STIM2: variants seen among roughly 807,000 people sequenced by gnomAD.
STIM2 encodes stromal interaction molecule 2.
In STIM2, 31 loss-of-function variants were observed where a neutral mutation model predicts 85.8. The ratio of observed to expected loss-of-function variants is 0.36; its 90% CI spans 0.27 to 0.49. The LOEUF is 0.49. STIM2 is among the 20% of genes least tolerant of loss of function. STIM2 has a pLI of 0.98. For missense variants in STIM2, 841 were observed against 927.6 expected (o/e 0.91, Z 1.21); for synonymous variants, 356 against 331.1 (o/e 1.08, Z -0.82).
chr4:26,972,357 G>A (rs1214817760), intron 3 of STIM2, among the ~76,000 whole-genome samples: 1 of 152,130 alleles, frequency 6.6e-6, no homozygotes, highest in African/African-American at 2.4e-5. Context: ...TGCCCATTCA[G>A]TATGATACTG....
At chr4:27,019,867 G>T (rs983294761) in intron 11 of STIM2, among the ~76,000 whole-genome samples, 1 of 152,182 alleles carries the variant, frequency 6.6e-6, no homozygotes, top group African/African-American at 2.4e-5. Context: ...ATTCCAAAGA[G>T]TATGTACTCT....
chr4:27,018,456 T>C (rs1728808007), intron 11 of STIM2, among the ~76,000 whole-genome samples: 1 of 152,142 alleles, frequency 6.6e-6, no homozygotes, highest in African/African-American at 2.4e-5. Flanking sequence ...TTGCTTTGAG[T>C]CTCCAACTTC....
At chr4:26,891,162 T>G (rs191473505) in intron 1 of STIM2, among the ~76,000 whole-genome samples, 1 of 152,356 alleles carries the variant, frequency 6.6e-6, no homozygotes, top group African/African-American at 2.4e-5. Flanking sequence ...AGTTGTTTGG[T>G]CAAACACTAG....
chr4:26,929,235 G>A lies in STIM2; in HGVS notation c.282+9601G>A, dbSNP rs142696647. 5.3e-5 allele frequency among the ~76,000 whole-genome samples: 8 copies of A among 152,174 alleles called. No homozygotes were observed. In the East Asian group the frequency reaches 9.6e-4, roughly 18 times the overall value. On this transcript the variant is annotated intron_variant, in intron 2 of 11. Coordinates refer to ENST00000467087, the MANE Select transcript of STIM2 (RefSeq NM_020860.4). Reference sequence around the variant, plus strand: ...TGTAACTTCTAGAAAACAAAATTATGTATGTAGCTCACATTTTATTTCTAT... The same window carrying A: ...TGTAACTTCTAGAAAACAAAATTATATATGTAGCTCACATTTTATTTCTAT...
intron 1 of STIM2, among the ~76,000 whole-genome samples, chr4:26,903,906 T>A (rs1018132297): frequency 6.6e-6 from 1 of 152,162 alleles, no homozygotes; most frequent in Non-Finnish European, 1.5e-5. Context: ...CTAACTGTTC[T>A]CAGTGGCTAG....
chr4:26,982,784 T>C (rs1052656080), intron 3 of STIM2, among the ~76,000 whole-genome samples: 1 of 152,214 alleles, frequency 6.6e-6, no homozygotes, highest in Non-Finnish European at 1.5e-5. Flanking sequence ...TCTTTTTTTT[T>C]ATACTGAAAA....
intron 2 of STIM2, among the ~76,000 whole-genome samples, chr4:26,922,537 A>G (rs544464763): frequency 7.2e-5 from 11 of 152,288 alleles, no homozygotes; most frequent in African/African-American, 2.6e-4. Flanking sequence ...GAACATCCAA[A>G]TAGAAGAAAT....
Position 26,861,138 on chromosome 4 carries a change from G to A in STIM2, c.-81G>A, listed in dbSNP as rs765290221. On this transcript the variant is annotated 5_prime_UTR_variant, in exon 1 of 12. Transcript: ENST00000467087. ...CGGGGCGCCGCTGCGCTTTCACCCG[G>A]CTTCTCCTCGGCGCCTTCATCCCGC... 2 of 1,272,318 alleles carry A rather than the reference G, an allele frequency of 1.6e-6. No individual in the cohort carries two copies. Among genetic ancestry groups the A allele is most frequent in the South Asian group, 5.1e-5 (2 of 39,316 alleles). 78.8% of individuals were successfully genotyped at this position (1,272,318 alleles called of 1,614,324 possible). A position where few individuals can be genotyped will look rare whatever the true frequency, so the allele number is the denominator to read the frequency against.
At chr4:26,875,637 A>G (rs2109032132) in intron 1 of STIM2, among the ~76,000 whole-genome samples, 1 of 152,322 alleles carries the variant, frequency 6.6e-6, no homozygotes, top group African/African-American at 2.4e-5. Context: ...GTCAGTCTTC[A>G]AGATTTCTAG....
intron 1 of STIM2, among the ~76,000 whole-genome samples, chr4:26,862,489 T>G (rs560000263): frequency 6.1e-4 from 93 of 152,314 alleles, no homozygotes; most frequent in South Asian, 1.2e-3. Context: ...CTCTGACAAG[T>G]GCTCAGGAAC....
intron 4 of STIM2, among the ~76,000 whole-genome samples, chr4:26,998,340 T>C (rs780640319): frequency 1.3e-5 from 2 of 152,180 alleles, no homozygotes; most frequent in Non-Finnish European, 2.9e-5. Flanking sequence ...TTAGTACTTA[T>C]TATTATATAA....
chr4:26,872,571 A>G (rs1397340215), intron 1 of STIM2, among the ~76,000 whole-genome samples: 2 of 152,208 alleles, frequency 1.3e-5, no homozygotes, highest in East Asian at 3.9e-4. Flanking sequence ...ATATTGATAT[A>G]TTTAATAATA....
intron 1 of STIM2, among the ~76,000 whole-genome samples, chr4:26,917,746 A>G (rs150043643): frequency 3.0e-3 from 461 of 152,244 alleles, no homozygotes; most frequent in African/African-American, 0.01. Flanking sequence ...CTTATATACC[A>G]GTTGGAATGA....
chr4:26,916,345 C>G (rs2109063108), intron 1 of STIM2, among the ~76,000 whole-genome samples: 1 of 152,288 alleles, frequency 6.6e-6, no homozygotes, highest in South Asian at 2.1e-4. Flanking sequence ...TGGCAAAACA[C>G]CAAACCCTAG....
intron 3 of STIM2, among the ~76,000 whole-genome samples, chr4:26,958,492 A>G (rs572190317): frequency 6.6e-6 from 1 of 152,170 alleles, no homozygotes; most frequent in East Asian, 1.9e-4. Flanking sequence ...AAGAAATAAT[A>G]AAGTTTACTT....
intron 2 of STIM2, among the ~76,000 whole-genome samples, chr4:26,937,686 A>T (rs1725443428): frequency 6.6e-6 from 1 of 152,182 alleles, no homozygotes; most frequent in African/African-American, 2.4e-5. Flanking sequence ...TTACATCCAG[A>T]CAAAGGGTGT....
intron 2 of STIM2, among the ~76,000 whole-genome samples, chr4:26,940,294 C>T (rs1725562421): frequency 6.6e-6 from 1 of 152,120 alleles, no homozygotes; most frequent in African/African-American, 2.4e-5. Flanking sequence ...CTTTGGGCCT[C>T]TTTCTTTCAC....
At chr4:26,889,047 G>T (rs912572417) in intron 1 of STIM2, among the ~76,000 whole-genome samples, 2 of 152,120 alleles carry the variant, frequency 1.3e-5, no homozygotes, top group South Asian at 2.1e-4. Flanking sequence ...TGGAAATAAG[G>T]CCTCTAGACC....
intron 1 of STIM2, among the ~76,000 whole-genome samples, chr4:26,883,875 G>A (rs1435192948): frequency 2.0e-5 from 3 of 152,148 alleles, no homozygotes; most frequent in African/African-American, 7.2e-5. Flanking sequence ...GTATGATGGT[G>A]ATAGCTTATT....
Sources: allele counts gnomAD v4.1 joint callset (sites outside exome capture counted in the v4.1 genomes callset), GRCh38; gene constraint gnomAD v4.1.1; transcripts MANE v1.5; gene names NCBI Gene and HGNC (gene_info 2026-07-23, HGNC 2026-07-21).